CKMT2: variants seen among roughly 807,000 people sequenced by gnomAD.
The protein encoded by CKMT2 is creatine kinase, mitochondrial 2, also known as creatine kinase S-type, mitochondrial.
Under a neutral mutation model 48.9 loss-of-function variants are expected in CKMT2, and 43 were observed. That is an observed-to-expected ratio of 0.88 (90% CI 0.69 to 1.13). The LOEUF (loss-of-function observed/expected upper bound fraction) is 1.13. Among genes scored for constraint, CKMT2 ranks in the 50% most tolerant of loss-of-function variants. CKMT2 has a pLI of 0.00. For synonymous variants in CKMT2, 206 were observed against 213.0 expected (o/e 0.97, Z 0.29); for missense variants, 472 against 555.4 (o/e 0.85, Z 1.51).
Position 81,256,901 on chromosome 5 carries a change from CTTTTGGCCT to C in CKMT2, c.670-13_670-5del. Reference sequence around the variant, plus strand: ...TCAGTCTCTCCTCTCTGCTTTATCCCTTTTGGCCTACAGGACCACTTTCTGTTTGATAAG... The same window carrying C: ...TCAGTCTCTCCTCTCTGCTTTATCCCACAGGACCACTTTCTGTTTGATAAG... On this transcript the variant is annotated splice_region_variant and splice_polypyrimidine_tract_variant and intron_variant, in intron 5 of 9. Transcript: ENST00000254035. The C allele has an allele frequency of 6.2e-7, 1 of 1,604,274 alleles. No individual in the cohort carries two copies. Among genetic ancestry groups the C allele is most frequent in the Non-Finnish European group, 8.5e-7 (1 of 1,172,022 alleles).
chr5:81,258,310 G>C (rs1326721444), intron 7 of CKMT2, among the ~76,000 whole-genome samples: 1 of 152,190 alleles, frequency 6.6e-6, no homozygotes, highest in Non-Finnish European at 1.5e-5. Flanking sequence ...TTATTAGAAA[G>C]CTATTACGCT....
At chr5:81,248,148 C>A (rs1756674861) in intron 1 of CKMT2, among the ~76,000 whole-genome samples, 1 of 152,208 alleles carries the variant, frequency 6.6e-6, no homozygotes, top group Non-Finnish European at 1.5e-5. Flanking sequence ...CTTGGCTCTG[C>A]TTCCTAAGAT....
intron 5 of CKMT2, 26 bp downstream of exon 5, chr5:81,255,240 G>A (rs1377086949): frequency 6.9e-6 from 11 of 1,600,620 alleles, no homozygotes; most frequent in Non-Finnish European, 8.6e-7. Context: ...GGCTCCCTGG[G>A]GAAGGACTGG....
At chr5:81,236,504 T>C (rs149983085) in intron 1 of CKMT2, among the ~76,000 whole-genome samples, 1 of 152,258 alleles carries the variant, frequency 6.6e-6, no homozygotes, top group African/African-American at 2.4e-5. Context: ...CATAGACTGA[T>C]TGTGTTTGTA....
intron 1 of CKMT2, 43 bp from the exon 2 acceptor site, chr5:81,251,070 G>A (rs144278096): frequency 6.4e-6 from 10 of 1,553,778 alleles, no homozygotes; most frequent in Non-Finnish European, 8.8e-6. Flanking sequence ...GTGGCTCAGG[G>A]TCATCCTATG....
At chr5:81,249,628 A>G (rs1580443144) in intron 1 of CKMT2, among the ~76,000 whole-genome samples, 1 of 146,588 alleles carries the variant, frequency 6.8e-6, no homozygotes, top group East Asian at 1.9e-4. Context: ...ATAAATACTT[A>G]TTTAGATTTA....
rs771937901 is a variant in CKMT2 at position 81,255,220 on chromosome 5, T to A, written c.669+6T>A. ...ACCAGCAGCGGCTCATCGATGTGAG[T>A]AGCAGATGGGGCTCCCTGGGGAAGG... On this transcript the variant is annotated splice_donor_region_variant and intron_variant, in intron 5 of 9. Transcript: ENST00000254035. The A allele has an allele frequency of 6.2e-7, 1 of 1,612,730 alleles. No individual in the cohort carries two copies. Among genetic ancestry groups the A allele is most frequent in the Non-Finnish European group, 8.5e-7 (1 of 1,179,050 alleles).
intron 4 of CKMT2, 81 bp downstream of exon 4, chr5:81,254,572 C>A: frequency 8.0e-7 from 1 of 1,246,248 alleles, no homozygotes; most frequent in South Asian, 1.2e-5. Flanking sequence ...AGAGGGGTTC[C>A]CCGCTGTAAG....
At chr5:81,265,224 C>T (rs529158275) in intron 9 of CKMT2, among the ~76,000 whole-genome samples, 125 of 152,308 alleles carry the variant, frequency 8.2e-4, no homozygotes, top group Non-Finnish European at 9.0e-4. Context: ...ACCATACTCT[C>T]ACCAACACTG....
At chr5:81,264,053 T>C (rs542056438) in intron 9 of CKMT2, among the ~76,000 whole-genome samples, 1 of 152,374 alleles carries the variant, frequency 6.6e-6, no homozygotes, top group South Asian at 2.1e-4. Context: ...ATCTTCACTT[T>C]GGTGTTCTTA....
chr5:81,233,593 A>G (rs1756169760), intron 1 of CKMT2, among the ~76,000 whole-genome samples: 1 of 152,158 alleles, frequency 6.6e-6, no homozygotes, highest in Non-Finnish European at 1.5e-5. Context: ...GGGGCAGCTC[A>G]GCACCAGGAG....
chr5:81,260,708 TTAAGGCAG>T (rs1487972819), intron 8 of CKMT2, among the ~76,000 whole-genome samples: 1 of 152,106 alleles, frequency 6.6e-6, no homozygotes, highest in Admixed American at 6.6e-5. Context: ...AGTTCTGAAA[TTAAGGCAG>T]TAATTAATAG....
chr5:81,255,253 C>T (rs1169338224), intron 5 of CKMT2, 39 bp downstream of exon 5: 1 of 1,577,310 alleles, frequency 6.3e-7, no homozygotes, highest in Non-Finnish European at 8.7e-7. Flanking sequence ...AGGACTGGAC[C>T]AAGGGCTCTG....
At chr5:81,246,309 C>G (rs188379152) in intron 1 of CKMT2, among the ~76,000 whole-genome samples, 1 of 151,922 alleles carries the variant, frequency 6.6e-6, no homozygotes, top group African/African-American at 2.4e-5. Context: ...TTTCCGAAGT[C>G]CACTGTGATT....
chr5:81,251,011 A>G, intron 1 of CKMT2, 102 bp from the exon 2 acceptor site: 1 of 767,144 alleles, frequency 1.3e-6, no homozygotes, highest in Non-Finnish European at 2.1e-6. Context: ...AGACACCGGA[A>G]AGAGAGGCTA....
intron 2 of CKMT2, chr5:81,251,808 G>A (rs1364041262): frequency 1.3e-5 from 2 of 153,612 alleles, no homozygotes; most frequent in Non-Finnish European, 1.4e-5. Flanking sequence ...CAGTCCAGTT[G>A]CATAGTAATA....
intron 3 of CKMT2, 77 bp downstream of exon 3, chr5:81,252,970 T>G (rs758956218): frequency 1.2e-4 from 180 of 1,525,588 alleles, no homozygotes; most frequent in Non-Finnish European, 1.5e-4. Context: ...CTGGGGTCCT[T>G]TTCTTCTCTA....
At chr5:81,260,405 C>T (rs528551697) in intron 8 of CKMT2, among the ~76,000 whole-genome samples, 1 of 152,102 alleles carries the variant, frequency 6.6e-6, no homozygotes, top group East Asian at 1.9e-4. Context: ...CACAAAGACA[C>T]AAAAAAACCT....
intron 4 of CKMT2, 78 bp from the exon 5 acceptor site, chr5:81,254,915 G>GAACCCACT: frequency 3.4e-6 from 4 of 1,183,086 alleles, no homozygotes; most frequent in Middle Eastern, 5.1e-4. Context: ...ACTGCAGATT[G>GAACCCACT]GCGATTAGAA....
Sources: allele counts gnomAD v4.1 joint callset (sites outside exome capture counted in the v4.1 genomes callset), GRCh38; gene constraint gnomAD v4.1.1; transcripts MANE v1.5; gene names NCBI Gene and HGNC (gene_info 2026-07-23, HGNC 2026-07-21).